The following ABCC8 variants were observed in gnomAD, a reference collection of about 807,000 sequenced individuals.
ABCC8 encodes the protein ATP-binding cassette sub-family C member 8.
ABCC8 carries 137 observed loss-of-function variants against 188.0 expected under a neutral mutation model. The ratio of observed to expected loss-of-function variants is 0.73; its 90% CI spans 0.63 to 0.84. ABCC8 has a LOEUF of 0.84. Among genes scored for constraint, ABCC8 ranks in the 40% least tolerant of loss-of-function variants. The pLI is 0.00. For synonymous variants in ABCC8, 797 were observed against 846.5 expected (o/e 0.94, Z 1.01); for missense variants, 1,750 against 2,072.7 (o/e 0.84, Z 3.02).
chr11:17,461,217 C>T (rs1030252233), intron 5 of ABCC8: 2 of 378,342 alleles, frequency 5.3e-6, no homozygotes, highest in Non-Finnish European at 1.0e-5. Flanking sequence ...ACTAACACCC[C>T]TGCTCCAAAT....
chr11:17,401,383 C>T (rs1032968631), intron 29 of ABCC8, among the ~76,000 whole-genome samples: 1 of 152,160 alleles, frequency 6.6e-6, no homozygotes, highest in Admixed American at 6.5e-5. Context: ...AAGGCCAGGG[C>T]AGAGCTTTGC....
In ABCC8 at chr11:17,402,648, T is replaced by C. The variant is rs755432985; in HGVS notation, c.3650+13A>G. 5.6e-6 allele frequency: 9 copies of C among 1,614,222 alleles called. No homozygotes were observed. In the South Asian group the frequency reaches 7.7e-5, roughly 14 times the overall value. On this transcript the variant is annotated intron_variant, in intron 29 of 38. Transcript: ENST00000389817. Reference sequence around the variant, plus strand: ...CTGTTCCACTCCTACCTTGGGGGAATGTGGACTCGTACCTGAAGGCCCGGA... The same window carrying C: ...CTGTTCCACTCCTACCTTGGGGGAACGTGGACTCGTACCTGAAGGCCCGGA...
rs779938862 is a variant in ABCC8, at chr11:17,404,006, G to A, written c.3557+506C>T. Among the ~76,000 whole-genome samples the A allele has an allele frequency of 7.2e-5, 11 of 152,182 alleles. No individual in the cohort carries two copies. Among genetic ancestry groups the A allele is most frequent in the South Asian group, 2.1e-4 (1 of 4,834 alleles). ...AGAAAATTTTGAGGAGGAAAGAGGC[G>A]TGCATGGATCCAAAGCTCATGAGGG... is the stretch of plus-strand genomic sequence containing the variant. On this transcript the variant is annotated intron_variant, in intron 28 of 38. Transcript: ENST00000389817. The surrounding 1 kb of genome is among the most constrained non-coding windows in gnomAD (Gnocchi z 4.7).
At chr11:17,444,858 T>C (rs1956462712) in intron 8 of ABCC8, among the ~76,000 whole-genome samples, 2 of 152,176 alleles carry the variant, frequency 1.3e-5, no homozygotes, top group Admixed American at 1.3e-4. Flanking sequence ...AAAATGGTGA[T>C]TATAATGCCC....
At chr11:17,450,882 T>C (rs1956790705) in intron 7 of ABCC8, among the ~76,000 whole-genome samples, 2 of 151,210 alleles carry the variant, frequency 1.3e-5, no homozygotes, top group African/African-American at 4.9e-5. Flanking sequence ...AGAGATGGGG[T>C]TTCACTATGT....
At chr11:17,438,870 C>T (rs1187013348) in intron 10 of ABCC8, among the ~76,000 whole-genome samples, 2 of 152,252 alleles carry the variant, frequency 1.3e-5, no homozygotes, top group African/African-American at 2.4e-5. Flanking sequence ...AGAGTCAGTC[C>T]TCTCTGCTGT....
chr11:17,460,741 C>T, intron 5 of ABCC8, 65 bp from the exon 6 acceptor site: 3 of 1,593,412 alleles, frequency 1.9e-6, no homozygotes, highest in Admixed American at 1.7e-5. Flanking sequence ...GGCCTAGCCT[C>T]CCAGGATGCC....
chr11:17,456,269 C>T (rs1211564496), intron 6 of ABCC8, among the ~76,000 whole-genome samples: 1 of 152,192 alleles, frequency 6.6e-6, no homozygotes, highest in Non-Finnish European at 1.5e-5. Context: ...GCAATCAAGC[C>T]AATGATCTTC....
At chr11:17,397,503 C>A in intron 31 of ABCC8, 181 bp downstream of exon 31, 1 of 1,414,406 alleles carries the variant, frequency 7.1e-7, no homozygotes. Flanking sequence ...CCAACCTCCA[C>A]CTGTCTGGGG....
At chr11:17,465,184 G>A (rs2133693229) in intron 3 of ABCC8, among the ~76,000 whole-genome samples, 1 of 152,322 alleles carries the variant, frequency 6.6e-6, no homozygotes, top group South Asian at 2.1e-4. Flanking sequence ...TAGGACTGGA[G>A]GAATTCCACA....
intron 10 of ABCC8, among the ~76,000 whole-genome samples, chr11:17,434,209 A>G (rs780927723): frequency 2.6e-5 from 4 of 152,136 alleles, no homozygotes; most frequent in Non-Finnish European, 5.9e-5. Flanking sequence ...AATAACCAAT[A>G]AGGAGGGGTC....
chr11:17,397,145 C>T (rs750437392), intron 32 of ABCC8, 48 bp downstream of exon 32: 8 of 1,613,406 alleles, frequency 5.0e-6, no homozygotes, highest in South Asian at 4.4e-5. Context: ...CCAACCCAGA[C>T]ACACTCCTCC....
At chr11:17,459,377 C>G (rs1423576261) in intron 6 of ABCC8, among the ~76,000 whole-genome samples, 5 of 152,152 alleles carry the variant, frequency 3.3e-5, no homozygotes, top group Non-Finnish European at 7.3e-5. Context: ...CAACCCAGGC[C>G]TGGCACACAG....
intron 8 of ABCC8, 166 bp from the exon 9 acceptor site, chr11:17,443,478 G>A (rs1956406004): frequency 8.6e-7 from 1 of 1,159,116 alleles, no homozygotes. Context: ...GAGAAACAAA[G>A]CAATTTCAAA....
chr11:17,417,853 G>C (rs752360437), intron 16 of ABCC8, among the ~76,000 whole-genome samples: 1 of 151,998 alleles, frequency 6.6e-6, no homozygotes, highest in Non-Finnish European at 1.5e-5. Context: ...GGGCTCAAGC[G>C]ATCCTCCTGC....
chr11:17,442,840 G>C lies in ABCC8; in HGVS notation c.1510C>G (p.Arg504Gly). ...ERLKQTNEML[R>G]GIKLLKLYAW... ...TACAGCTTCAGCAGCTTGATGCCGC[G>C]GAGCATCTCGTTGGTCTGCTTCAGC... Residue 504 changes from arginine (R) to glycine (G), a missense_variant, in exon 10 of 39, where the codon CGC (arginine) becomes GGC (glycine). Coordinates refer to ENST00000389817, the MANE Select transcript of ABCC8 (RefSeq NM_000352.6). 2 of 1,614,020 alleles carry C rather than the reference G, an allele frequency of 1.2e-6. No individual in the cohort carries two copies. The highest frequency in any genetic ancestry group is 2.2e-5 in the East Asian group (1 of 44,878).
chr11:17,413,372 C>A, intron 20 of ABCC8, 22 bp downstream of exon 20: 1 of 1,614,182 alleles, frequency 6.2e-7, no homozygotes, highest in Non-Finnish European at 8.5e-7. Context: ...TTTGAAAAAA[C>A]CCCTCAGAGG....
intron 31 of ABCC8, 56 bp downstream of exon 31, chr11:17,397,628 T>C: frequency 6.3e-7 from 1 of 1,577,654 alleles, no homozygotes; most frequent in Non-Finnish European, 8.6e-7. Context: ...GTGACGAAGG[T>C]GCTCCGGGAG....
intron 10 of ABCC8, chr11:17,432,464 G>A (rs1955892854): frequency 2.2e-6 from 2 of 930,218 alleles, no homozygotes; most frequent in Admixed American, 2.8e-5. Context: ...CGACTCTGGG[G>A]CTTAAACTGT....
Sources: allele counts gnomAD v4.1 joint callset (sites outside exome capture counted in the v4.1 genomes callset), GRCh38; gene constraint gnomAD v4.1.1; non-coding constraint Gnocchi (gnomAD v3.1); transcripts MANE v1.5; gene names NCBI Gene and HGNC (gene_info 2026-07-23, HGNC 2026-07-21).